The following XPR1 variants were observed in gnomAD, a reference collection of about 807,000 sequenced individuals.
XPR1 encodes solute carrier family 53 member 1.
A neutral mutation model predicts 87.5 loss-of-function variants in XPR1; 28 were observed. The ratio of observed to expected loss-of-function variants is 0.32; its 90% CI spans 0.24 to 0.44. XPR1 has a LOEUF of 0.44. XPR1 is among the 20% of genes least tolerant of loss of function. XPR1 has a pLI of 1.00. For synonymous variants in XPR1, 300 were observed against 306.1 expected, an observed-to-expected ratio of 0.98 and a Z score of 0.21; for missense variants, 559 against 862.3, an observed-to-expected ratio of 0.65 and a Z score of 4.41.
At position 180,798,977 on chromosome 1, in the gene XPR1, T is replaced by TC. The variant is rs1385179958; in HGVS notation, c.224-4409dup. ...AAGTAATGGGAGGTGTTCCAGAATC[T>TC]CCTGGGTTCCAGAGCTTGTTGCTCC... On this transcript the variant is annotated intron_variant, in intron 3 of 14. Coordinates refer to ENST00000367590, the MANE Select transcript of XPR1 (RefSeq NM_004736.4). 2.0e-5 allele frequency among the ~76,000 whole-genome samples: 3 copies of TC among 152,310 alleles called. No homozygotes were observed. The East Asian group carries it at 5.8e-4, about 29-fold the overall frequency.
intron 2 of XPR1, among the ~76,000 whole-genome samples, chr1:180,773,607 C>T (rs931158495): frequency 1.3e-5 from 2 of 152,088 alleles, no homozygotes; most frequent in Non-Finnish European, 2.9e-5. Context: ...TTTGACATAA[C>T]ATTTTCTTTG....
At chr1:180,878,856 C>CA (rs1311759590) in intron 13 of XPR1, among the ~76,000 whole-genome samples, 2 of 152,216 alleles carry the variant, frequency 1.3e-5, no homozygotes, top group Middle Eastern at 3.2e-3. Context: ...CTCCTCCCCC[C>CA]AAACTTTTAA....
At chr1:180,764,194 G>C (rs1438616021) in intron 2 of XPR1, among the ~76,000 whole-genome samples, 1 of 152,150 alleles carries the variant, frequency 6.6e-6, no homozygotes, top group African/African-American at 2.4e-5. Context: ...TGATTGTTCA[G>C]TGTACACAAG....
At chr1:180,691,146 G>A (rs570708784) in intron 2 of XPR1, among the ~76,000 whole-genome samples, 1 of 152,074 alleles carries the variant, frequency 6.6e-6, no homozygotes, top group African/African-American at 2.4e-5. Context: ...TGTTTTTGTG[G>A]CATCATGTTT....
intron 1 of XPR1, among the ~76,000 whole-genome samples, chr1:180,643,415 C>T (rs995272492): frequency 1.4e-4 from 21 of 152,044 alleles, no homozygotes; most frequent in South Asian, 6.2e-4. Flanking sequence ...TTATTAGTGG[C>T]GTTCTAGATT....
chr1:180,696,425 G>GACTT (rs950548304), intron 2 of XPR1, among the ~76,000 whole-genome samples: 1 of 151,800 alleles, frequency 6.6e-6, no homozygotes, highest in Non-Finnish European at 1.5e-5. Context: ...AGGACAACTT[G>GACTT]ACTTTCTCAT....
At chr1:180,704,345 G>A (rs1218315551) in intron 2 of XPR1, among the ~76,000 whole-genome samples, 3 of 141,698 alleles carry the variant, frequency 2.1e-5, no homozygotes, top group Non-Finnish European at 4.5e-5. Flanking sequence ...ATTCATTAAG[G>A]TTTACAAAAT....
At chr1:180,810,978 T>C (rs897255628) in intron 6 of XPR1, among the ~76,000 whole-genome samples, 1 of 152,082 alleles carries the variant, frequency 6.6e-6, no homozygotes, top group African/African-American at 2.4e-5. Context: ...CTTTAAATGA[T>C]CTCTGGGTTA....
intron 2 of XPR1, among the ~76,000 whole-genome samples, chr1:180,709,069 A>C (rs966269859): frequency 6.6e-6 from 1 of 151,558 alleles, no homozygotes; most frequent in African/African-American, 2.4e-5. Flanking sequence ...CCACCACCAC[A>C]CCCGGCTGAT....
At chr1:180,659,659 C>T (rs1201163601) in intron 1 of XPR1, among the ~76,000 whole-genome samples, 1 of 140,214 alleles carries the variant, frequency 7.1e-6, no homozygotes, top group East Asian at 2.2e-4. Context: ...GCTGGGATTA[C>T]AGGCACCTGC....
chr1:180,734,787 C>G (rs533082995), intron 2 of XPR1, among the ~76,000 whole-genome samples: 1 of 151,970 alleles, frequency 6.6e-6, no homozygotes, highest in Non-Finnish European at 1.5e-5. Context: ...ATCTTGGAAA[C>G]GAAGATGGGG....
chr1:180,813,272 TAA>T (rs1248950335), intron 7 of XPR1, among the ~76,000 whole-genome samples: 2 of 152,182 alleles, frequency 1.3e-5, no homozygotes, highest in Non-Finnish European at 2.9e-5. Context: ...CATTCTAATC[TAA>T]GAGCCTCTGC....
At chr1:180,755,274 T>G (rs1647688793) in intron 2 of XPR1, among the ~76,000 whole-genome samples, 1 of 152,218 alleles carries the variant, frequency 6.6e-6, no homozygotes, top group South Asian at 2.1e-4. Context: ...TAATTAGTTC[T>G]GCTGTAACAT....
chr1:180,727,384 CT>C (rs947898091), intron 2 of XPR1, among the ~76,000 whole-genome samples: 1 of 152,056 alleles, frequency 6.6e-6, no homozygotes, highest in African/African-American at 2.4e-5. Flanking sequence ...GAATGTCACG[CT>C]TGTAATCCAG....
At chr1:180,760,867 A>C (rs1647994497) in intron 2 of XPR1, among the ~76,000 whole-genome samples, 1 of 152,194 alleles carries the variant, frequency 6.6e-6, no homozygotes, top group African/African-American at 2.4e-5. Context: ...TTCAAACTAT[A>C]CTACAAGGCT....
intron 9 of XPR1, among the ~76,000 whole-genome samples, chr1:180,829,555 G>A (rs904689870): frequency 1.3e-5 from 2 of 152,122 alleles, no homozygotes; most frequent in South Asian, 4.1e-4. Flanking sequence ...TCTTTTCTCT[G>A]TATTTCCAGG....
At chr1:180,673,338 T>C (rs943481162) in intron 1 of XPR1, among the ~76,000 whole-genome samples, 5 of 152,238 alleles carry the variant, frequency 3.3e-5, no homozygotes, top group African/African-American at 1.2e-4. Flanking sequence ...AATAATATAA[T>C]TAGGATACAT....
intron 2 of XPR1, among the ~76,000 whole-genome samples, chr1:180,778,497 G>T (rs1359782296): frequency 6.6e-6 from 1 of 152,048 alleles, no homozygotes; most frequent in African/African-American, 2.4e-5. Context: ...TGACATTTTG[G>T]ACCGGATAAG....
chr1:180,874,283 A>G (rs1652592626), intron 13 of XPR1, among the ~76,000 whole-genome samples: 1 of 152,212 alleles, frequency 6.6e-6, no homozygotes, highest in Non-Finnish European at 1.5e-5. Flanking sequence ...GGATAAGTGG[A>G]AATTGGGAGG....
Sources: gnomAD v4.1 joint callset for allele counts (sites outside exome capture counted in the v4.1 genomes callset) on GRCh38, gnomAD v4.1.1 for gene constraint, MANE v1.5 for transcripts, NCBI Gene and HGNC (gene_info 2026-07-23, HGNC 2026-07-21) for gene names.